SH3BP5L: variants seen among roughly 807,000 people sequenced by gnomAD.
SH3BP5L encodes SH3 domain-binding protein 5-like.
Under a neutral mutation model 40.9 loss-of-function variants are expected in SH3BP5L, and 16 were observed. The ratio of observed to expected loss-of-function variants is 0.39; its 90% CI spans 0.27 to 0.59. The LOEUF is 0.59. Among genes scored for constraint, SH3BP5L ranks in the 20% least tolerant of loss-of-function variants. The pLI, the probability that SH3BP5L is intolerant of heterozygous loss-of-function variation, is 0.53. For missense variants in SH3BP5L, 471 were observed against 544.6 expected, an observed-to-expected ratio of 0.86 and a Z score of 1.35; for synonymous variants, 229 against 226.7, an observed-to-expected ratio of 1.01 and a Z score of -0.09.
chr1:248,816,377 C>T, intron 4 of SH3BP5L, 157 bp downstream of exon 4: 3 of 791,930 alleles, frequency 3.8e-6, no homozygotes, highest in South Asian at 3.5e-5. Flanking sequence ...GGTAAAGGAA[C>T]CTCCTGAGCC....
Position 248,824,906 on chromosome 1 carries a change from C to G in SH3BP5L, c.30G>C (p.Gly10=). ...GCAGCTCCCCCTGTGGGGTCTCCCG[C>G]CCTCCTGGAACCTGTCTGAGCTCAG... MAELRQVPG[G]RETPQGELRP... is the part of the protein sequence containing the mutation. The change falls in exon 2 of 7, where the codon GGG becomes GGC. Residue 10 remains glycine (G), a synonymous_variant. Coordinates refer to ENST00000366472, the MANE Select transcript of SH3BP5L (RefSeq NM_030645.3). 1 of 1,613,854 alleles carries G rather than the reference C, an allele frequency of 6.2e-7. No individual in the cohort carries two copies. Among genetic ancestry groups the G allele is most frequent in the Non-Finnish European group, 8.5e-7 (1 of 1,179,870 alleles).
At chr1:248,818,378 T>C (rs1289008086) in intron 2 of SH3BP5L, among the ~76,000 whole-genome samples, 4 of 146,844 alleles carry the variant, frequency 2.7e-5, no homozygotes, top group Non-Finnish European at 4.5e-5. Context: ...AAAAAAAAGG[T>C]GGAGGCTGTC....
intron 4 of SH3BP5L, 95 bp downstream of exon 4, chr1:248,816,439 G>A: frequency 6.6e-7 from 1 of 1,525,200 alleles, no homozygotes; most frequent in South Asian, 1.2e-5. Context: ...TGCCCTCAGG[G>A]TCTGGTGTTT....
In SH3BP5L at chr1:248,814,426, C is replaced by T. The variant is rs754319790; in HGVS notation, c.537+23G>A. ...GATGGACGAGAACCAGCGAAGGGGA[C>T]CTGCTGGCACCGCCCGGCTCACCTT... On this transcript the variant is annotated intron_variant, in intron 5 of 6. Coordinates refer to ENST00000366472, the MANE Select transcript of SH3BP5L (RefSeq NM_030645.3). The T allele has an allele frequency of 1.1e-5, 18 of 1,612,910 alleles. No individual in the cohort carries two copies. The African/African-American group carries it at 2.3e-4, about 20-fold the overall frequency.
intron 5 of SH3BP5L, chr1:248,813,971 C>G (rs765871102): frequency 5.7e-6 from 1 of 175,712 alleles, no homozygotes; most frequent in Non-Finnish European, 1.2e-5. Flanking sequence ...CCTGTGCAAG[C>G]TGAAGGTGGC....
chr1:248,818,256 G>A lies in SH3BP5L; in HGVS notation c.184-1372C>T, dbSNP rs920176277. 7.2e-5 allele frequency among the ~76,000 whole-genome samples: 11 copies of A among 152,014 alleles called. No individual in the cohort carries two copies. In the East Asian group the frequency reaches 1.9e-3, roughly 27 times the overall value. ...CCAGCTACTTGGGAGGCCGAGGCACGAAAATGGCTTGAACCCGGGGGGCAG... is the reference window on the plus strand; with the variant it reads ...CCAGCTACTTGGGAGGCCGAGGCACAAAAATGGCTTGAACCCGGGGGGCAG... On this transcript the variant is annotated intron_variant, in intron 2 of 6. Transcript: ENST00000366472.
Position 248,824,815 on chromosome 1 carries a change from T to C in SH3BP5L, c.121A>G (p.Ser41Gly), listed in dbSNP as rs773137834. The C allele has an allele frequency of 6.2e-7, 1 of 1,614,066 alleles. No individual in the cohort carries two copies. The highest frequency in any genetic ancestry group is 1.3e-5 in the African/African-American group (1 of 74,920). The stretch of plus-strand genomic sequence containing the variant: ...GACAATTTGGCCTCACTGCTGCTGC[T>C]TCCACCTCCTCCAGGCTCTTCTGCG... The part of the protein sequence containing the change: ...PVAEEPGGGG[S>G]SSSEAKLSPR... The change falls in exon 2 of 7, where the codon AGC becomes GGC. Residue 41 changes from serine to glycine, a missense_variant. Transcript: ENST00000366472.
At chr1:248,820,962 G>A (rs879800385) in intron 2 of SH3BP5L, 2 of 152,216 alleles carry the variant, frequency 1.3e-5, no homozygotes, top group Non-Finnish European at 2.9e-5. Context: ...GGCAGGAGTG[G>A]GCATTATCTT....
intron 2 of SH3BP5L, among the ~76,000 whole-genome samples, chr1:248,822,972 G>A (rs1479338637): frequency 6.6e-6 from 1 of 152,148 alleles, no homozygotes; most frequent in Non-Finnish European, 1.5e-5. Context: ...CCGAGGAACT[G>A]CATTTTTACA....
Position 248,812,611 on chromosome 1 carries a change from A to G in SH3BP5L, c.712-241T>C, listed in dbSNP as rs1345593165. Among the ~76,000 whole-genome samples, 2 of 149,832 alleles carry G rather than the reference A, an allele frequency of 1.3e-5. No individual in the cohort carries two copies. Among genetic ancestry groups the G allele is most frequent in the African/African-American group, 5.1e-5 (2 of 39,318 alleles). On this transcript the variant is annotated intron_variant, in intron 6 of 6. Transcript: ENST00000366472. This position sits in a 1 kb window ranked among gnomAD's most constrained non-coding sequence, Gnocchi z 6.1. ...CCCCAGCAATCCTGCTCCTGACCTG[A>G]GCCCCACCTTCCAGAGCCTTCCTCT...
intron 2 of SH3BP5L, among the ~76,000 whole-genome samples, chr1:248,817,682 G>A (rs752828509): frequency 5.3e-5 from 8 of 152,186 alleles, no homozygotes; most frequent in Admixed American, 3.3e-4. Flanking sequence ...GTGAAACCCT[G>A]TCTCTACTAG....
chr1:248,814,906 A>G (rs776138703), intron 4 of SH3BP5L: 14 of 484,298 alleles, frequency 2.9e-5, no homozygotes, highest in Non-Finnish European at 5.1e-5. Flanking sequence ...AACACAAACC[A>G]TTTTAGTGTA....
rs1191248111 is a variant in SH3BP5L at position 248,811,029 on chromosome 1, G to C, written c.*871C>G. On this transcript the variant is annotated 3_prime_UTR_variant, in exon 7 of 7. Transcript: ENST00000366472. The stretch of plus-strand genomic sequence containing the variant: ...CAGAAAAAGTAAACACAACTGTGCA[G>C]CAAGAGTGAGGGTGGGAATGACAGG... 2 of 152,750 alleles carry C rather than the reference G, an allele frequency of 1.3e-5. No homozygotes were observed. The highest frequency in any genetic ancestry group is 4.8e-5 in the African/African-American group (2 of 41,458). The allele number at this position is 152,750 out of a possible 1,614,324, so 9.5% of individuals were successfully genotyped here. A position where few individuals can be genotyped will look rare whatever the true frequency, so the allele number is the denominator to read the frequency against.
At chr1:248,813,854 G>A (rs148909227) in intron 5 of SH3BP5L, 1,934 of 162,380 alleles carry the variant, frequency 0.012, 39 homozygotes, top group African/African-American at 0.044. Flanking sequence ...CGTGCTGTGT[G>A]CTCTCATTTG....
chr1:248,813,288 C>T, intron 5 of SH3BP5L, 126 bp from the exon 6 acceptor site: 1 of 1,040,836 alleles, frequency 9.6e-7, no homozygotes, highest in African/African-American at 1.6e-5. Flanking sequence ...AAACCCCCAA[C>T]TGTGTACAGA....
chr1:248,813,418 G>A lies in SH3BP5L; in HGVS notation c.538-256C>T, dbSNP rs527388151. ...TCACAGGCACATGCCTCTGAGCCAC[G>A]TCTTCCCCATGTTCTTGCCTAGTGT... is the stretch of plus-strand genomic sequence containing the variant. On this transcript the variant is annotated intron_variant, in intron 5 of 6. Coordinates refer to ENST00000366472, the MANE Select transcript of SH3BP5L (RefSeq NM_030645.3). 3.3e-4 allele frequency: 131 copies of A among 393,166 alleles called. 1 individual carries two copies. Among genetic ancestry groups the A allele is most frequent in the African/African-American group, 2.4e-3 (119 of 48,668 alleles). 24.4% of individuals were successfully genotyped at this position (393,166 alleles called of 1,614,324 possible). A position where few individuals can be genotyped will look rare whatever the true frequency, so the allele number is the denominator to read the frequency against.
rs1014315558 is a variant in SH3BP5L at position 248,817,067 on chromosome 1, T to C, written c.184-183A>G. 3.9e-6 allele frequency: 6 copies of C among 1,530,568 alleles called. No homozygotes were observed. The African/African-American group carries it at 6.9e-5, about 17-fold the overall frequency. 94.8% of individuals were successfully genotyped at this position (1,530,568 alleles called of 1,614,324 possible). On this transcript the variant is annotated intron_variant, in intron 2 of 6. Transcript: ENST00000366472. ...GCTTTCTTGTCTATCAGGGACCTGA[T>C]ACATACAATCTCACGTAATCCTCAC...
In SH3BP5L at chr1:248,825,009, C is replaced by T. The variant is rs538375367; in HGVS notation, c.-74G>A. ...CTGGGACCAGGGCCCCAGCTTGGGGCTTCCTGGGCTCTAGATGGCCAGGAG... is the reference window on the plus strand; with the variant it reads ...CTGGGACCAGGGCCCCAGCTTGGGGTTTCCTGGGCTCTAGATGGCCAGGAG... On this transcript the variant is annotated 5_prime_UTR_variant, in exon 2 of 7. Coordinates refer to ENST00000366472, the MANE Select transcript of SH3BP5L (RefSeq NM_030645.3). 6.9e-5 allele frequency: 104 copies of T among 1,516,522 alleles called. No individual in the cohort carries two copies. The highest frequency in any genetic ancestry group is 2.5e-4 in the Middle Eastern group (1 of 4,048). 93.9% of individuals were successfully genotyped at this position (1,516,522 alleles called of 1,614,324 possible). A position where few individuals can be genotyped will look rare whatever the true frequency, so the allele number is the denominator to read the frequency against.
At chr1:248,816,732 C>A in intron 3 of SH3BP5L, 70 bp from the exon 4 acceptor site, 1 of 1,611,740 alleles carries the variant, frequency 6.2e-7, no homozygotes, top group South Asian at 1.1e-5. Flanking sequence ...CAGACACACC[C>A]CTCCCACCGC....
Sources: gnomAD v4.1 joint callset for allele counts (sites outside exome capture counted in the v4.1 genomes callset) on GRCh38, gnomAD v4.1.1 for gene constraint, Gnocchi (gnomAD v3.1) non-coding constraint, MANE v1.5 for transcripts, NCBI Gene and HGNC (gene_info 2026-07-23, HGNC 2026-07-21) for gene names.